The following PNPLA6 variants were observed in gnomAD, a reference collection of about 807,000 sequenced individuals.
PNPLA6 encodes the protein patatin like domain 6, lysophospholipase, also known as patatin-like phospholipase domain-containing protein 6.
Under a neutral mutation model 153.7 loss-of-function variants are expected in PNPLA6, and 105 were observed. The observed-to-expected ratio is 0.68, with a 90% CI of 0.58 to 0.80. The LOEUF is 0.80. Among genes scored for constraint, PNPLA6 ranks in the 30% least tolerant of loss-of-function variants. The pLI is 0.00. For missense variants in PNPLA6, 1,423 were observed against 1,919.3 expected, an observed-to-expected ratio of 0.74 and a Z score of 4.83; for synonymous variants, 825 against 822.2, an observed-to-expected ratio of 1.00 and a Z score of -0.06.
chr19:7,558,888 G>A lies in PNPLA6; in HGVS notation c.3436G>A (p.Ala1146Thr). The change falls in exon 28 of 32, where the codon GCC becomes ACC. Residue 1146 changes from alanine (A) to threonine (T), a missense_variant. Transcript: ENST00000600737. ...CAGCATGGGTGCCAAAACGGTCATCGCCATTGACGTGGGGAGCCAGGATGA... is the reference window on the plus strand; with the variant it reads ...CAGCATGGGTGCCAAAACGGTCATCACCATTGACGTGGGGAGCCAGGATGA... ...ARSMGAKTVIAIDVGSQDETD... is the reference protein window; with the variant it reads ...ARSMGAKTVITIDVGSQDETD... 5.6e-6 allele frequency: 9 copies of A among 1,613,282 alleles called. No homozygotes were observed. The East Asian group carries it at 6.7e-5, about 12-fold the overall frequency.
intron 13 of PNPLA6, among the ~76,000 whole-genome samples, chr19:7,543,804 C>CT (rs1323742284): frequency 2.0e-5 from 3 of 150,796 alleles, no homozygotes; most frequent in African/African-American, 4.9e-5. Flanking sequence ...AGTAAGACTT[C>CT]TTTTTTTTCT....
intron 3 of PNPLA6, among the ~76,000 whole-genome samples, chr19:7,538,620 C>A (rs1210058064): frequency 1.3e-5 from 2 of 152,156 alleles, no homozygotes; most frequent in Non-Finnish European, 2.9e-5. Context: ...GAAGGGCTCT[C>A]CCAGGTCCAC....
At chr19:7,536,380 C>G in intron 2 of PNPLA6, 69 bp from the exon 3 acceptor site, 1 of 1,392,844 alleles carries the variant, frequency 7.2e-7, no homozygotes, top group Non-Finnish European at 1.0e-6. Flanking sequence ...TGGAGACCCC[C>G]TGGATCCGTC....
chr19:7,551,450 C>T lies in PNPLA6; in HGVS notation c.2260+13C>T, dbSNP rs2023645981. The T allele has an allele frequency of 1.6e-5, 26 of 1,609,742 alleles. No individual in the cohort carries two copies. Among genetic ancestry groups the T allele is most frequent in the Non-Finnish European group, 2.2e-5 (26 of 1,176,304 alleles). On this transcript the variant is annotated intron_variant, in intron 18 of 31. Coordinates refer to ENST00000600737, the MANE Select transcript of PNPLA6 (RefSeq NM_001166114.2). ...GGACCCTTCCCAGGTGAGAGCCGGCCGGCCCAGAGCGTGCTGGGAGATGTA... is the reference window on the plus strand; with the variant it reads ...GGACCCTTCCCAGGTGAGAGCCGGCTGGCCCAGAGCGTGCTGGGAGATGTA...
chr19:7,542,589 C>G lies in PNPLA6; in HGVS notation c.1281C>G (p.Phe427Leu). ...TGCAGGGTGGCCCCCGCTCCGACTT[C>G]GACATGGCCTATGAGCGTGGCCGGA... Reference protein sequence around the residue: ...SGLQGGPRSDFDMAYERGRIS... With the variant: ...SGLQGGPRSDLDMAYERGRIS... The change falls in exon 11 of 32, where the codon TTC becomes TTG. Residue 427 changes from phenylalanine to leucine, a missense_variant. This residue lies in a region of PNPLA6 where 267 missense variants were observed against 255.1 expected (regional missense o/e 1.05). Coordinates refer to ENST00000600737, the MANE Select transcript of PNPLA6 (RefSeq NM_001166114.2). 1 of 1,613,746 alleles carries G rather than the reference C, an allele frequency of 6.2e-7. No homozygotes were observed. Among genetic ancestry groups the G allele is most frequent in the Non-Finnish European group, 8.5e-7 (1 of 1,179,992 alleles).
intron 13 of PNPLA6, among the ~76,000 whole-genome samples, chr19:7,549,275 C>A (rs2146084161): frequency 6.7e-6 from 1 of 149,646 alleles, no homozygotes; most frequent in East Asian, 2.0e-4. Flanking sequence ...CAAGCTCCGC[C>A]TCCCGGTTTC....
In PNPLA6 at chr19:7,555,235, C is replaced by CT; in HGVS notation, c.2818-13dup. 6.3e-7 allele frequency: 1 copy of CT among 1,585,884 alleles called. No homozygotes were observed. Among genetic ancestry groups the CT allele is most frequent in the Non-Finnish European group, 8.6e-7 (1 of 1,163,104 alleles). On this transcript the variant is annotated splice_polypyrimidine_tract_variant and intron_variant, in intron 22 of 31. Transcript: ENST00000600737. This position sits in a 1 kb window ranked among gnomAD's most constrained non-coding sequence, Gnocchi z 6.3. ...CCTCATGCTCCTGGGTCGCGACTAT[C>CT]TCCCCCATCCCAGCATGAGCTCTAC... is the stretch of plus-strand genomic sequence containing the variant.
Position 7,561,285 on chromosome 19 carries a change from G to A in PNPLA6, c.3991G>A (p.Glu1331Lys), listed in dbSNP as rs371906206. 2.5e-6 allele frequency: 4 copies of A among 1,608,354 alleles called. No homozygotes were observed. The highest frequency in any genetic ancestry group is 2.7e-5 in the African/African-American group (2 of 74,886). Residue 1331 changes from glutamate (E) to lysine (K), a missense_variant, in exon 31 of 32, where the codon GAG becomes AAG. Around this residue, in one of 10 missense-constraint regions of PNPLA6, gnomAD observed 643 missense variants for 835.2 expected, o/e 0.77. Transcript: ENST00000600737. Reference sequence around the variant, plus strand: ...CTCGAGGGATGAAGGGGGGTCCCCCGAGGGCGCAAGCCCCAGCACTGCCTC... The same window carrying A: ...CTCGAGGGATGAAGGGGGGTCCCCCAAGGGCGCAAGCCCCAGCACTGCCTC... ...DCSRDEGGSP[E>K]GASPSTASEM...
In PNPLA6 at chr19:7,541,641, G is replaced by A. The variant is rs1157365527; in HGVS notation, c.1125G>A (p.Gly375=). 1.3e-6 allele frequency: 2 copies of A among 1,585,210 alleles called. No homozygotes were observed. The highest frequency in any genetic ancestry group is 1.3e-5 in the African/African-American group (1 of 74,362). The change falls in exon 9 of 32, where the codon GGG becomes GGA. Residue 375 remains glycine, a synonymous_variant. Coordinates refer to ENST00000600737, the MANE Select transcript of PNPLA6 (RefSeq NM_001166114.2). This position sits in a 1 kb window ranked among gnomAD's most constrained non-coding sequence, Gnocchi z 5.2. The stretch of plus-strand genomic sequence containing the variant: ...CAGACGAGCCCAGGGAGACCCCAGG[G>A]CGGCCACCCGATCCCACCGGGGCCC... ...SATDEPRETP[G]RPPDPTGAPL...
At position 7,541,103 on chromosome 19, in the gene PNPLA6, C is replaced by T. The variant is rs1270787492; in HGVS notation, c.924+52C>T. On this transcript the variant is annotated intron_variant, in intron 7 of 31. Transcript: ENST00000600737. This position sits in a 1 kb window ranked among gnomAD's most constrained non-coding sequence, Gnocchi z 5.2. ...CCCCTGAGGGACCCCACCCTGGCCC[C>T]CACCCATTCCAGGCTCCAAGGGACC... 2 of 1,578,326 alleles carry T rather than the reference C, an allele frequency of 1.3e-6. No individual in the cohort carries two copies. Among genetic ancestry groups the T allele is most frequent in the Non-Finnish European group, 1.7e-6 (2 of 1,160,544 alleles).
chr19:7,558,659 C>G, intron 27 of PNPLA6, among the ~76,000 whole-genome samples, 191 bp from the exon 28 acceptor site: 1 of 152,170 alleles, frequency 6.6e-6, no homozygotes, highest in East Asian at 1.9e-4. Context: ...CTCCCAACAC[C>G]TGACCCCCCT....
chr19:7,556,987 G>A (rs2023907998), intron 26 of PNPLA6, 181 bp from the exon 27 acceptor site: 13 of 734,162 alleles, frequency 1.8e-5, no homozygotes, highest in Admixed American at 9.6e-5. Context: ...CGTTACGTCC[G>A]GGCCAGCGCC....
chr19:7,536,083 C>G, intron 1 of PNPLA6, 63 bp downstream of exon 1: 5 of 1,578,574 alleles, frequency 3.2e-6, no homozygotes, highest in East Asian at 2.3e-5. Context: ...GCCCGGGTCC[C>G]GAGGCGGCAG....
At chr19:7,551,522 G>A (rs1196151304) in intron 18 of PNPLA6, 85 bp downstream of exon 18, 1 of 1,186,520 alleles carries the variant, frequency 8.4e-7, no homozygotes, top group Non-Finnish European at 1.3e-6. Flanking sequence ...TTTCCTGAGG[G>A]ATGCTGGGAA....
In PNPLA6 at chr19:7,540,577, A is replaced by C. The variant is rs1422971890; in HGVS notation, c.715-53A>C. ...TCATTGGGATGGATGAGGGGGCGAC[A>C]TGCCAGTCACCAGGGCGAGGCCACT... On this transcript the variant is annotated intron_variant, in intron 5 of 31. Coordinates refer to ENST00000600737, the MANE Select transcript of PNPLA6 (RefSeq NM_001166114.2). The surrounding 1 kb of genome is among the most constrained non-coding windows in gnomAD (Gnocchi z 6.8). 2.9e-6 allele frequency: 4 copies of C among 1,373,082 alleles called. No homozygotes were observed. The African/African-American group carries it at 5.7e-5, about 19-fold the overall frequency. 85.1% of individuals were successfully genotyped at this position (1,373,082 alleles called of 1,614,324 possible).
Position 7,542,797 on chromosome 19 carries a change from G to T in PNPLA6, c.1399G>T (p.Ala467Ser). The change falls in exon 12 of 32, where the codon GCC becomes TCC. Residue 467 changes from alanine to serine, a missense_variant. Physicochemically the swap from Ala to Ser is moderately conservative, Grantham distance 99. Around this residue, in one of 10 missense-constraint regions of PNPLA6, gnomAD observed 267 missense variants for 255.1 expected, o/e 1.05. Transcript: ENST00000600737. ...GGAGCCTCGTGAGCAGCCGGCAGGC[G>T]CCTGTGAATACAGCTACTGTGAGGA... ...TQEPREQPAG[A>S]CEYSYCEDES... 6.2e-7 allele frequency: 1 copy of T among 1,613,066 alleles called. No individual in the cohort carries two copies. The highest frequency in any genetic ancestry group is 8.5e-7 in the Non-Finnish European group (1 of 1,179,950).
At chr19:7,554,519 C>A (rs1254063543) in intron 20 of PNPLA6, 36 bp from the exon 21 acceptor site, 3 of 1,612,858 alleles carry the variant, frequency 1.9e-6, no homozygotes, top group Non-Finnish European at 2.5e-6. Context: ...GACCCCAGGC[C>A]AACCCCAGGA....
chr19:7,535,738 C>T lies in PNPLA6; in HGVS notation c.-51C>T, dbSNP rs1469480706. On this transcript the variant is annotated 5_prime_UTR_variant, in exon 1 of 32. Coordinates refer to ENST00000600737, the MANE Select transcript of PNPLA6 (RefSeq NM_001166114.2). This position sits in a 1 kb window ranked among gnomAD's most constrained non-coding sequence, Gnocchi z 5.0. ...GCATGCACTGCGGGCCGCCGGGCCT[C>T]AGGGAAGAGTCGCGCCCCCGGGGAG... 16 of 1,519,476 alleles carry T rather than the reference C, an allele frequency of 1.1e-5. No homozygotes were observed. Among genetic ancestry groups the T allele is most frequent in the Non-Finnish European group, 1.4e-5 (16 of 1,133,586 alleles). The allele number at this position is 1,519,476 out of a possible 1,614,324, so 94.1% of individuals were successfully genotyped here.
rs746695353 is a variant in PNPLA6 at position 7,550,604 on chromosome 19, G to T, written c.2034G>T (p.Leu678=). ...VIQRGSGKKE[L]VGEYGRGDLI... Reference sequence around the variant, plus strand: ...AGCGAGGCAGTGGCAAGAAGGAGCTGGTGGGCGAGTACGGCCGCGGCGACC... The same window carrying T: ...AGCGAGGCAGTGGCAAGAAGGAGCTTGTGGGCGAGTACGGCCGCGGCGACC... The change falls in exon 16 of 32, where the codon CTG becomes CTT. Residue 678 remains leucine (L), a synonymous_variant. Transcript: ENST00000600737. 6.2e-7 allele frequency: 1 copy of T among 1,612,726 alleles called. No individual in the cohort carries two copies. The highest frequency in any genetic ancestry group is 1.1e-5 in the South Asian group (1 of 91,028).
Sources: allele counts gnomAD v4.1 joint callset (sites outside exome capture counted in the v4.1 genomes callset), GRCh38; gene constraint gnomAD v4.1.1; regional missense constraint gnomAD v4.1.1; non-coding constraint Gnocchi (gnomAD v3.1); transcripts MANE v1.5; gene names NCBI Gene and HGNC (gene_info 2026-07-23, HGNC 2026-07-21).